DCAF5: variants seen among roughly 807,000 people sequenced by gnomAD.
DCAF5 encodes DDB1 and CUL4 associated factor 5.
Under a neutral mutation model 80.7 loss-of-function variants are expected in DCAF5, and 9 were observed. That is an observed-to-expected ratio of 0.11 (90% CI 0.07 to 0.19). The LOEUF is 0.19. Ranked by LOEUF, DCAF5 falls within the 10% of genes least tolerant of loss-of-function variation. The pLI, the probability that DCAF5 is intolerant of heterozygous loss-of-function variation, is 1.00. For synonymous variants in DCAF5, 433 were observed against 461.9 expected (o/e 0.94, Z 0.80); for missense variants, 842 against 1,205.7 (o/e 0.70, Z 4.47).
Position 69,054,251 on chromosome 14 carries a change from C to G in DCAF5, c.2435G>C (p.Cys812Ser). 6.2e-7 allele frequency: 1 copy of G among 1,614,232 alleles called. No individual in the cohort carries two copies. The highest frequency in any genetic ancestry group is 8.5e-7 in the Non-Finnish European group (1 of 1,180,040). ...ACTGTCATCAGACTGGGTCCTGGGA[C>G]AGTTGCCAGACCCGCTGTTGAGAGT... Reference protein sequence around the residue: ...GSTLNSGSGNCPRTQSDDSEE... With the variant: ...GSTLNSGSGNSPRTQSDDSEE... The change falls in exon 9 of 9, where the codon TGT becomes TCT. Residue 812 changes from cysteine (C) to serine (S), a missense_variant. Around this residue, in one of 5 missense-constraint regions of DCAF5, gnomAD observed 607 missense variants for 656.6 expected, o/e 0.92. Transcript: ENST00000341516.
chr14:69,106,682 C>T (rs1480206897), intron 5 of DCAF5, among the ~76,000 whole-genome samples: 1 of 152,022 alleles, frequency 6.6e-6, no homozygotes, highest in African/African-American at 2.4e-5. Context: ...TACTTTTACA[C>T]ATATTTGAAA....
intron 6 of DCAF5, among the ~76,000 whole-genome samples, chr14:69,082,014 G>A (rs2039124527): frequency 6.6e-6 from 1 of 152,184 alleles, no homozygotes. Context: ...TAACAGCAGA[G>A]AGACTGCTAT....
At chr14:69,075,631 G>A (rs575038876) in intron 6 of DCAF5, among the ~76,000 whole-genome samples, 5 of 152,114 alleles carry the variant, frequency 3.3e-5, no homozygotes, top group African/African-American at 1.2e-4. Flanking sequence ...ACAGGCACAC[G>A]CCACCACGCC....
intron 7 of DCAF5, among the ~76,000 whole-genome samples, chr14:69,066,235 A>G (rs2038436529): frequency 6.6e-6 from 1 of 151,890 alleles, no homozygotes; most frequent in African/African-American, 2.4e-5. Context: ...CCTGGGTTCA[A>G]GCAATTCTCC....
chr14:69,087,386 A>C (rs2039373334), intron 6 of DCAF5, among the ~76,000 whole-genome samples: 1 of 152,242 alleles, frequency 6.6e-6, no homozygotes, highest in Non-Finnish European at 1.5e-5. Flanking sequence ...CTTTGGGCTC[A>C]GGTAGCCTCC....
chr14:69,067,012 T>A (rs1371820806), intron 7 of DCAF5, among the ~76,000 whole-genome samples: 1 of 152,212 alleles, frequency 6.6e-6, no homozygotes, highest in East Asian at 1.9e-4. Flanking sequence ...TCAATACCAC[T>A]TCCCGTCTTC....
intron 7 of DCAF5, among the ~76,000 whole-genome samples, chr14:69,067,600 C>A (rs1433464174): frequency 2.6e-5 from 4 of 151,762 alleles, no homozygotes; most frequent in Non-Finnish European, 2.9e-5. Context: ...CTGCCTTGGC[C>A]CCCGGAAGTG....
rs1342105446 is a variant in DCAF5 at position 69,055,324 on chromosome 14, T to C, written c.1362A>G (p.Ser454=). ...LQLHAGVSER[S]GYTDSESSAS... Reference sequence around the variant, plus strand: ...CCGAAGACTCTGAGTCAGTGTAGCCTGAGCGCTCGCTGACCCCAGCGTGCA... The same window carrying C: ...CCGAAGACTCTGAGTCAGTGTAGCCCGAGCGCTCGCTGACCCCAGCGTGCA... Residue 454 remains serine (S), a synonymous_variant, in exon 9 of 9, where the codon TCA becomes TCG. Coordinates refer to ENST00000341516, the MANE Select transcript of DCAF5 (RefSeq NM_003861.3). This position sits in a 1 kb window ranked among gnomAD's most constrained non-coding sequence, Gnocchi z 5.6. 1 of 1,614,066 alleles carries C rather than the reference T, an allele frequency of 6.2e-7. No homozygotes were observed.
At chr14:69,084,864 G>A (rs575631718) in intron 6 of DCAF5, 9 of 1,201,984 alleles carry the variant, frequency 7.5e-6, no homozygotes, top group Non-Finnish European at 1.1e-5. Context: ...GAAGTCAACT[G>A]GATTGTTCAG....
rs1406331158 is a variant in DCAF5, at chr14:69,054,104, G to T, written c.2582C>A (p.Ser861Tyr). 1 of 1,614,254 alleles carries T rather than the reference G, an allele frequency of 6.2e-7. No homozygotes were observed. The highest frequency in any genetic ancestry group is 1.7e-5 in the Admixed American group (1 of 60,030). ...LGELEVVAYS[S>Y]PGHSDTDRDN... ...ACGGTCAGTGTCTGAGTGTCCTGGG[G>T]AAGAGTAGGCCACCACCTCCAGCTC... The change falls in exon 9 of 9, where the codon TCC becomes TAC. Residue 861 changes from serine (S) to tyrosine (Y), a missense_variant. By Grantham distance (144) the Ser-to-Tyr change is moderately radical. Around this residue, in one of 5 missense-constraint regions of DCAF5, gnomAD observed 607 missense variants for 656.6 expected, o/e 0.92. Coordinates refer to ENST00000341516, the MANE Select transcript of DCAF5 (RefSeq NM_003861.3).
chr14:69,114,215 T>C (rs780861507), intron 5 of DCAF5, among the ~76,000 whole-genome samples: 1 of 152,308 alleles, frequency 6.6e-6, no homozygotes, highest in African/African-American at 2.4e-5. Context: ...CATCCTTTGA[T>C]GTAGCAAAGT....
chr14:69,144,683 G>A (rs2041483815), intron 1 of DCAF5, among the ~76,000 whole-genome samples: 1 of 152,154 alleles, frequency 6.6e-6, no homozygotes. Flanking sequence ...GCAAAACACA[G>A]AGATATAATT....
chr14:69,064,190 C>T (rs2038343000), intron 7 of DCAF5, among the ~76,000 whole-genome samples: 2 of 152,098 alleles, frequency 1.3e-5, no homozygotes, highest in South Asian at 4.1e-4. Flanking sequence ...ATCTAAAGAA[C>T]CCAAAAATAG....
intron 6 of DCAF5, among the ~76,000 whole-genome samples, chr14:69,086,258 T>C (rs1485097769): frequency 6.6e-6 from 1 of 152,122 alleles, no homozygotes; most frequent in Non-Finnish European, 1.5e-5. Flanking sequence ...CTCCGGAGGC[T>C]GTGGCACGAG....
chr14:69,060,283 G>A (rs1337753428), intron 8 of DCAF5, among the ~76,000 whole-genome samples: 1 of 152,168 alleles, frequency 6.6e-6, no homozygotes, highest in African/African-American at 2.4e-5. Context: ...GGTGGTGACT[G>A]GGAAGAACAA....
Position 69,153,014 on chromosome 14 carries a change from CCCTCCCTCGGCCTCA to C in DCAF5, c.-51_-37del, listed in dbSNP as rs768109017. 1.3e-6 allele frequency: 2 copies of C among 1,502,778 alleles called. No individual in the cohort carries two copies. Among genetic ancestry groups the C allele is most frequent in the African/African-American group, 2.9e-5 (2 of 69,680 alleles). 93.1% of individuals were successfully genotyped at this position (1,502,778 alleles called of 1,614,324 possible). On this transcript the variant is annotated 5_prime_UTR_variant, in exon 1 of 9. Transcript: ENST00000341516. Reference sequence around the variant, plus strand: ...CCGCCGCCGCCGCTCGCGCCGCCGCCCCTCCCTCGGCCTCACGCGCGGCCGCTGCTCCCCCCACCC... The same window carrying C: ...CCGCCGCCGCCGCTCGCGCCGCCGCCCGCGCGGCCGCTGCTCCCCCCACCC...
At chr14:69,111,120 G>C (rs902414922) in intron 5 of DCAF5, among the ~76,000 whole-genome samples, 1 of 152,182 alleles carries the variant, frequency 6.6e-6, no homozygotes, top group Non-Finnish European at 1.5e-5. Flanking sequence ...TCCAGCCTTT[G>C]ACATTAAGCC....
intron 5 of DCAF5, 64 bp downstream of exon 5, chr14:69,116,302 G>A: frequency 6.4e-7 from 1 of 1,561,206 alleles, no homozygotes; most frequent in South Asian, 1.2e-5. Context: ...CTTACTGGCT[G>A]GTCACATTAC....
intron 6 of DCAF5, chr14:69,084,814 A>T (rs1468293550): frequency 5.5e-6 from 6 of 1,084,322 alleles, no homozygotes; most frequent in Non-Finnish European, 8.5e-6. Context: ...CAGGAACACT[A>T]TTGTGTACAG....
Sources: gnomAD v4.1 joint callset for allele counts (sites outside exome capture counted in the v4.1 genomes callset) on GRCh38, gnomAD v4.1.1 for gene constraint, gnomAD v4.1.1 regional missense constraint, Gnocchi (gnomAD v3.1) non-coding constraint, MANE v1.5 for transcripts, NCBI Gene and HGNC (gene_info 2026-07-23, HGNC 2026-07-21) for gene names.